Variants in SPMIP2 observed in about 807,000 individuals in gnomAD.
SPMIP2 encodes the protein sperm microtubule inner protein 2.
At chr4:158,965,669 A>T in the SPMIP2 span, among the ~76,000 whole-genome samples, 1 of 11,600 alleles carries the variant, frequency 8.6e-5, no homozygotes, top group Non-Finnish European at 1.6e-4. Flanking sequence ...GTTTCTATTT[A>T]AAAAAAAAAA....
At chr4:158,928,268 C>G in the SPMIP2 span, among the ~76,000 whole-genome samples, 20 of 151,964 alleles carry the variant, frequency 1.3e-4, no homozygotes, top group African/African-American at 3.9e-4. Flanking sequence ...ATGCACCAGT[C>G]GACACTCTGT....
At chr4:158,970,040 G>T in the SPMIP2 span, among the ~76,000 whole-genome samples, 1 of 152,206 alleles carries the variant, frequency 6.6e-6, no homozygotes, top group East Asian at 1.9e-4. Flanking sequence ...ACACTGAGAA[G>T]TTTACCAGTT....
the SPMIP2 span, among the ~76,000 whole-genome samples, chr4:158,946,383 C>T: frequency 7.0e-6 from 1 of 142,388 alleles, no homozygotes; most frequent in Admixed American, 7.3e-5. Context: ...CCACCCAAAT[C>T]GAATCCCAAA....
At chr4:158,904,541 A>G in the SPMIP2 span, 3 of 1,612,452 alleles carry the variant, frequency 1.9e-6, no homozygotes, top group Non-Finnish European at 2.5e-6. Context: ...AAATACTCTT[A>G]TAAGCTAAAG....
the SPMIP2 span, among the ~76,000 whole-genome samples, chr4:158,955,409 TG>T: frequency 1.3e-5 from 2 of 152,228 alleles, no homozygotes; most frequent in Non-Finnish European, 2.9e-5. Flanking sequence ...TAATTTTTTT[TG>T]TTTTGTTTTT....
At chr4:158,918,930 A>C in the SPMIP2 span, among the ~76,000 whole-genome samples, 2 of 152,232 alleles carry the variant, frequency 1.3e-5, no homozygotes, top group Non-Finnish European at 2.9e-5. Context: ...AGACATTTAT[A>C]ATACAACATT....
At chr4:158,976,727 T>C in the SPMIP2 span, among the ~76,000 whole-genome samples, 1 of 135,518 alleles carries the variant, frequency 7.4e-6, no homozygotes, top group Non-Finnish European at 1.5e-5. Context: ...TGCAGTGGCA[T>C]CTCAGCTCAA....
chr4:159,047,185 T>C, the SPMIP2 span, among the ~76,000 whole-genome samples: 151 of 152,338 alleles, frequency 9.9e-4, 3 homozygotes, highest in East Asian at 0.02. Flanking sequence ...AAATCTAATC[T>C]TGTGCATTTT....
At chr4:158,984,390 C>G in the SPMIP2 span, among the ~76,000 whole-genome samples, 1 of 148,808 alleles carries the variant, frequency 6.7e-6, no homozygotes, top group Middle Eastern at 3.4e-3. Flanking sequence ...GAGTAAAGCT[C>G]TCCTCTGCGA....
the SPMIP2 span, among the ~76,000 whole-genome samples, chr4:158,923,490 TAAATG>T: frequency 6.6e-6 from 1 of 152,206 alleles, no homozygotes; most frequent in African/African-American, 2.4e-5. Flanking sequence ...TTTGATATTA[TAAATG>T]AAATTGTTTT....
At chr4:159,045,013 C>T in the SPMIP2 span, among the ~76,000 whole-genome samples, 50,120 of 151,770 alleles carry the variant, frequency 0.33, 8,762 homozygotes, top group East Asian at 0.64. Flanking sequence ...ATCACTTGAA[C>T]CCAGGAGGTG....
chr4:158,974,442 A>G, the SPMIP2 span, among the ~76,000 whole-genome samples: 2 of 152,080 alleles, frequency 1.3e-5, no homozygotes, highest in Non-Finnish European at 2.9e-5. Context: ...ATTTCTCCCA[A>G]TGCTATCCAT....
the SPMIP2 span, among the ~76,000 whole-genome samples, chr4:158,963,284 TTG>T: frequency 0.031 from 61 of 1,970 alleles, no homozygotes; most frequent in African/African-American, 0.12. Flanking sequence ...GTAGGTAGTT[TTG>T]TTTTTTTTTT....
At chr4:159,065,158 T>A in the SPMIP2 span, among the ~76,000 whole-genome samples, 1 of 152,224 alleles carries the variant, frequency 6.6e-6, no homozygotes, top group African/African-American at 2.4e-5. Flanking sequence ...GTCTTGCTAG[T>A]TCCTCTCTAT....
chr4:159,073,317 C>G, the SPMIP2 span, among the ~76,000 whole-genome samples: 1 of 152,026 alleles, frequency 6.6e-6, no homozygotes, highest in Non-Finnish European at 1.5e-5. Context: ...CCATGCCCGG[C>G]TAAAACTTGT....
the SPMIP2 span, among the ~76,000 whole-genome samples, chr4:159,023,542 T>C: frequency 6.6e-6 from 1 of 152,156 alleles, no homozygotes; most frequent in South Asian, 2.1e-4. Context: ...CAAACTCCCA[T>C]CCAAATTTGG....
chr4:158,927,657 G>T, the SPMIP2 span, among the ~76,000 whole-genome samples: 1 of 152,242 alleles, frequency 6.6e-6, no homozygotes, highest in South Asian at 2.1e-4. Flanking sequence ...TTCTGGGCTG[G>T]CCAAGGCCAG....
chr4:158,940,081 G>T, the SPMIP2 span, among the ~76,000 whole-genome samples: 32 of 152,244 alleles, frequency 2.1e-4, no homozygotes, highest in African/African-American at 7.5e-4. Context: ...CAACAGAAAT[G>T]AATTTTCTTA....
the SPMIP2 span, among the ~76,000 whole-genome samples, chr4:158,989,661 G>C: frequency 6.6e-6 from 1 of 152,152 alleles, no homozygotes; most frequent in Non-Finnish European, 1.5e-5. Context: ...ATGGTGTTGG[G>C]AAAACTGGCT....
Sources: allele counts gnomAD v4.1 joint callset (sites outside exome capture counted in the v4.1 genomes callset), GRCh38; gene constraint gnomAD v4.1.1; transcripts MANE v1.5; gene names NCBI Gene and HGNC (gene_info 2026-07-23, HGNC 2026-07-21).